Variants in MBNL2 observed in about 807,000 individuals in gnomAD.
MBNL2 encodes muscleblind-like protein 2.
A neutral mutation model predicts 41.9 loss-of-function variants in MBNL2; 17 were observed. That is an observed-to-expected ratio of 0.41 (90% CI 0.28 to 0.61). MBNL2 has a LOEUF of 0.61. MBNL2 is among the 20% of genes least tolerant of loss of function. The probability of loss-of-function intolerance (pLI) is 0.35; values close to 1 mark genes in which losing one functional copy is unlikely to be tolerated. For missense variants in MBNL2, 336 were observed against 505.6 expected, an observed-to-expected ratio of 0.66 and a Z score of 3.22; for synonymous variants, 195 against 182.9, an observed-to-expected ratio of 1.07 and a Z score of -0.53.
At chr13:97,325,613 C>T (rs1207761951) in intron 2 of MBNL2, among the ~76,000 whole-genome samples, 1 of 152,070 alleles carries the variant, frequency 6.6e-6, no homozygotes, top group Non-Finnish European at 1.5e-5. Context: ...ACCTGTAGTC[C>T]CAGCTACTTG....
the MBNL2 span, chr13:97,179,363 A>G: frequency 0.096 from 14,548 of 152,030 alleles, 764 homozygotes; most frequent in South Asian, 0.17. Context: ...TCCTCTAGTC[A>G]CTCTTCATTT....
rs990016124 is a variant in MBNL2 at position 97,284,946 on chromosome 13, G to A, written c.174+8537G>A. ...GTTTGTTTTTACTCATTTTGCTTTG[G>A]GCAGTGATGCTAACTTTTGTTAGTC... On this transcript the variant is annotated intron_variant, in intron 2 of 8. Transcript: ENST00000679496. 5.2e-4 allele frequency among the ~76,000 whole-genome samples: 79 copies of A among 152,002 alleles called. 2 individuals are homozygous for A. Among genetic ancestry groups the A allele is most frequent in the Non-Finnish European group, 2.9e-5 (2 of 68,006 alleles).
At chr13:97,286,929 C>T (rs1047341580) in intron 2 of MBNL2, among the ~76,000 whole-genome samples, 2 of 152,208 alleles carry the variant, frequency 1.3e-5, no homozygotes, top group Non-Finnish European at 2.9e-5. Flanking sequence ...GCAGGGACCG[C>T]GTTGTTGTAT....
chr13:97,279,704 C>T (rs2052961515), intron 2 of MBNL2, among the ~76,000 whole-genome samples: 1 of 152,118 alleles, frequency 6.6e-6, no homozygotes, highest in Non-Finnish European at 1.5e-5. Context: ...CTATGTTGGC[C>T]TATCAGTATG....
chr13:97,265,277 G>A (rs2049509613), intron 1 of MBNL2, among the ~76,000 whole-genome samples: 1 of 152,098 alleles, frequency 6.6e-6, no homozygotes. Flanking sequence ...AAAAAAAGTT[G>A]GAAATTTCTC....
chr13:97,290,907 G>A (rs2055809382), intron 2 of MBNL2, among the ~76,000 whole-genome samples: 1 of 151,628 alleles, frequency 6.6e-6, no homozygotes, highest in African/African-American at 2.4e-5. Context: ...CTTCCCAGAT[G>A]CAGGGGAAAA....
intron 2 of MBNL2, among the ~76,000 whole-genome samples, chr13:97,311,794 C>T (rs548184051): frequency 1.6e-4 from 24 of 152,092 alleles, no homozygotes; most frequent in Admixed American, 9.2e-4. Flanking sequence ...GGTGGGTTAA[C>T]GTCCAACAGT....
At chr13:97,339,620 C>G (rs1346269502) in intron 3 of MBNL2, among the ~76,000 whole-genome samples, 1 of 152,078 alleles carries the variant, frequency 6.6e-6, no homozygotes, top group Non-Finnish European at 1.5e-5. Flanking sequence ...AGGTGCTGCC[C>G]TTCTCTTTTC....
intron 2 of MBNL2, among the ~76,000 whole-genome samples, chr13:97,326,775 G>C (rs376501695): frequency 1.3e-5 from 2 of 152,184 alleles, no homozygotes; most frequent in South Asian, 2.1e-4. Flanking sequence ...TCTGTCACTT[G>C]CCTTAGAGTA....
chr13:97,250,014 G>A (rs1347954837), intron 1 of MBNL2, among the ~76,000 whole-genome samples: 2 of 152,194 alleles, frequency 1.3e-5, no homozygotes, highest in African/African-American at 4.8e-5. Flanking sequence ...CCCAGGACAC[G>A]GAAGTCTGGT....
intron 1 of MBNL2, among the ~76,000 whole-genome samples, chr13:97,265,723 T>C (rs184444862): frequency 6.6e-6 from 1 of 152,152 alleles, no homozygotes; most frequent in East Asian, 1.9e-4. Flanking sequence ...AGGTACCACA[T>C]AGAGATTATT....
At chr13:97,310,985 C>G (rs1236379998) in intron 2 of MBNL2, among the ~76,000 whole-genome samples, 1 of 151,998 alleles carries the variant, frequency 6.6e-6, no homozygotes, top group African/African-American at 2.4e-5. Flanking sequence ...TTGAGAGAAA[C>G]ATGTAGATAT....
the MBNL2 span, among the ~76,000 whole-genome samples, chr13:97,153,364 A>G: frequency 6.6e-6 from 1 of 152,038 alleles, no homozygotes; most frequent in Non-Finnish European, 1.5e-5. Context: ...GAAGAAGTGA[A>G]AAATCAAAAG....
In MBNL2 at chr13:97,280,128, G is replaced by A. The variant is rs377497602; in HGVS notation, c.174+3719G>A. Among the ~76,000 whole-genome samples, 4 of 152,204 alleles carry A rather than the reference G, an allele frequency of 2.6e-5. No homozygotes were observed. In the East Asian group the frequency reaches 5.8e-4, roughly 22 times the overall value. On this transcript the variant is annotated intron_variant, in intron 2 of 8. Transcript: ENST00000679496. The stretch of plus-strand genomic sequence containing the variant: ...ATGAGCAATCATTTCCCTTGGAGCA[G>A]AGGCCTTGACCACATTAACCGTGTC...
At chr13:97,193,018 C>T in the MBNL2 span, among the ~76,000 whole-genome samples, 3 of 152,214 alleles carry the variant, frequency 2.0e-5, no homozygotes, top group Non-Finnish European at 4.4e-5. Context: ...AGCTGCTGTC[C>T]ACTTCCCACC....
rs545183302 is a variant in MBNL2, at chr13:97,366,658, T to C, written c.1048+1487T>C. On this transcript the variant is annotated intron_variant, in intron 8 of 8. Coordinates refer to ENST00000679496, the MANE Select transcript of MBNL2 (RefSeq NM_001382683.1). The surrounding 1 kb of genome is among the most constrained non-coding windows in gnomAD (Gnocchi z 4.7). ...AGAATTTTTTTTTCATGTTTATCCA[T>C]CAAATTTTATTTTTTTAATTAGTTT... The C allele has an allele frequency of 2.3e-4, 177 of 769,662 alleles. 1 individual carries two copies. Among genetic ancestry groups the C allele is most frequent in the Admixed American group, 2.1e-3 (103 of 49,890 alleles). 47.7% of individuals were successfully genotyped at this position (769,662 alleles called of 1,614,324 possible).
intron 2 of MBNL2, among the ~76,000 whole-genome samples, chr13:97,304,629 G>A (rs1320476829): frequency 6.6e-6 from 1 of 152,074 alleles, no homozygotes; most frequent in African/African-American, 2.4e-5. Flanking sequence ...ATGATCTTAT[G>A]CAAGTCATTT....
chr13:97,374,063 ATTTTTTTTTTTTTT>A (rs61185219), intron 8 of MBNL2, among the ~76,000 whole-genome samples: 6 of 63,128 alleles, frequency 9.5e-5, no homozygotes, highest in East Asian at 4.5e-4. Flanking sequence ...CCTCCTTTGC[ATTTTTTTTTTTTTT>A]TTTTTTTTTT....
At chr13:97,246,810 G>T (rs2045562339) in intron 1 of MBNL2, among the ~76,000 whole-genome samples, 1 of 152,144 alleles carries the variant, frequency 6.6e-6, no homozygotes, top group African/African-American at 2.4e-5. Flanking sequence ...GAAGGACATG[G>T]ATATCGGCTT....
Sources: allele counts gnomAD v4.1 joint callset (sites outside exome capture counted in the v4.1 genomes callset), GRCh38; gene constraint gnomAD v4.1.1; non-coding constraint Gnocchi (gnomAD v3.1); transcripts MANE v1.5; gene names NCBI Gene and HGNC (gene_info 2026-07-23, HGNC 2026-07-21).